Variants in MTHFD2L observed in about 807,000 individuals in gnomAD.
The protein encoded by MTHFD2L is bifunctional methylenetetrahydrofolate dehydrogenase/cyclohydrolase 2, mitochondrial.
Under a neutral mutation model 34.9 loss-of-function variants are expected in MTHFD2L, and 29 were observed. The ratio of observed to expected loss-of-function variants is 0.83; its 90% confidence interval spans 0.62 to 1.13. The LOEUF (loss-of-function observed/expected upper bound fraction) is 1.13, where lower values mean the gene tolerates loss of function less well. Among genes scored for constraint, MTHFD2L ranks in the 50% most tolerant of loss-of-function variants. MTHFD2L has a pLI of 0.00. For synonymous variants in MTHFD2L, 167 were observed against 155.7 expected (o/e 1.07, Z -0.54); for missense variants, 481 against 446.5 (o/e 1.08, Z -0.70).
At chr4:74,253,185 C>T (rs1433048361) in intron 6 of MTHFD2L, among the ~76,000 whole-genome samples, 1 of 152,082 alleles carries the variant, frequency 6.6e-6, no homozygotes, top group Non-Finnish European at 1.5e-5. Context: ...ATTTCCTTTA[C>T]AATGATTCTA....
At chr4:74,186,438 G>GA (rs59325238) in intron 3 of MTHFD2L, among the ~76,000 whole-genome samples, 3,317 of 88,180 alleles carry the variant, frequency 0.038, 341 homozygotes, top group African/African-American at 0.11. Context: ...GGGAATCCAT[G>GA]AAAAAAAAAA....
chr4:74,296,513 AT>A (rs1204009170), intron 7 of MTHFD2L, among the ~76,000 whole-genome samples: 1 of 152,084 alleles, frequency 6.6e-6, no homozygotes, highest in African/African-American at 2.4e-5. Context: ...AGCAACTCTT[AT>A]GTAAGCAGAA....
At chr4:74,244,517 T>C (rs550027130) in intron 6 of MTHFD2L, among the ~76,000 whole-genome samples, 4 of 152,260 alleles carry the variant, frequency 2.6e-5, no homozygotes, top group South Asian at 4.1e-4. Context: ...AATACTTATA[T>C]GTTTTTTTCT....
intron 3 of MTHFD2L, among the ~76,000 whole-genome samples, chr4:74,188,308 G>A (rs1211595235): frequency 1.3e-5 from 2 of 152,174 alleles, no homozygotes; most frequent in Non-Finnish European, 2.9e-5. Context: ...GCATGGTTGG[G>A]TTCTAGTGAG....
At chr4:74,125,200 T>G (rs1479464645), upstream of MTHFD2L, among the ~76,000 whole-genome samples, 1 of 152,160 alleles carries the variant, frequency 6.6e-6, no homozygotes, top group Non-Finnish European at 1.5e-5. Flanking sequence ...TCCAGGTACA[T>G]GTTGATTAAC....
Position 74,254,421 on chromosome 4 carries a change from A to G in MTHFD2L, c.806-27004A>G, listed in dbSNP as rs542261740. 2.0e-5 allele frequency among the ~76,000 whole-genome samples: 3 copies of G among 152,332 alleles called. No homozygotes were observed. The East Asian group carries it at 5.8e-4, about 29-fold the overall frequency. ...TCATCTTAAACAAGAGAACCCGCATAAGATTTCTCAGCAGTGGATTTCTCA... is the reference window on the plus strand; with the variant it reads ...TCATCTTAAACAAGAGAACCCGCATGAGATTTCTCAGCAGTGGATTTCTCA... On this transcript the variant is annotated intron_variant, in intron 6 of 7. Transcript: ENST00000325278.
intron 1 of MTHFD2L, chr4:74,161,462 A>T (rs1022586830): frequency 6.6e-6 from 1 of 152,240 alleles, no homozygotes; most frequent in African/African-American, 2.4e-5. Context: ...GAAATGAGAT[A>T]TAATAGCCAT....
At chr4:74,293,033 T>C (rs1749155720) in intron 7 of MTHFD2L, among the ~76,000 whole-genome samples, 1 of 152,060 alleles carries the variant, frequency 6.6e-6, no homozygotes, top group African/African-American at 2.4e-5. Context: ...TTGTTTTTTA[T>C]GGTTTTTTGA....
intron 3 of MTHFD2L, among the ~76,000 whole-genome samples, chr4:74,179,213 C>T (rs768961399): frequency 5.3e-5 from 8 of 152,162 alleles, no homozygotes; most frequent in Non-Finnish European, 7.4e-5. Flanking sequence ...CTTCTTGTTA[C>T]GTTTTACTGT....
At chr4:74,133,737 G>A (rs535733552) in intron 1 of MTHFD2L, among the ~76,000 whole-genome samples, 3 of 152,094 alleles carry the variant, frequency 2.0e-5, no homozygotes, top group South Asian at 4.2e-4. Flanking sequence ...TTATCTTGTA[G>A]GTCACTGAGT....
intron 1 of MTHFD2L, among the ~76,000 whole-genome samples, chr4:74,132,572 A>G (rs1229037665): frequency 1.3e-5 from 2 of 152,048 alleles, no homozygotes; most frequent in African/African-American, 4.8e-5. Flanking sequence ...GGAACATCAC[A>G]CACCAGGGCC....
chr4:74,234,971 GCAGAAT>G (rs1352104131), intron 6 of MTHFD2L, among the ~76,000 whole-genome samples: 25 of 152,102 alleles, frequency 1.6e-4, no homozygotes, highest in Admixed American at 5.9e-4. Context: ...AATTCACTAG[GCAGAAT>G]AAAAGGCAAT....
Position 74,174,649 on chromosome 4 carries a change from A to AT in MTHFD2L, c.288dup (p.Thr97TyrfsTer6). 3.8e-6 allele frequency: 6 copies of AT among 1,585,078 alleles called. No homozygotes were observed. Among genetic ancestry groups the AT allele is most frequent in the Non-Finnish European group, 5.1e-6 (6 of 1,167,812 alleles). Reference sequence around the variant, plus strand: ...TTAGTGGGAGATAACCCAGCAAGCCATACATATGTCAGGAATAAGATAAGA... The same window carrying AT: ...TTAGTGGGAGATAACCCAGCAAGCCATTACATATGTCAGGAATAAGATAAGA... On this transcript the variant is annotated frameshift_variant, in exon 2 of 8. Transcript: ENST00000325278. LOFTEE classifies it high-confidence loss of function.
chr4:74,186,641 A>G (rs1731332477), intron 3 of MTHFD2L, among the ~76,000 whole-genome samples: 1 of 152,034 alleles, frequency 6.6e-6, no homozygotes, highest in South Asian at 2.1e-4. Context: ...GAAAACCTAT[A>G]TATATTAAAA....
At chr4:74,230,709 G>T (rs1319647848) in intron 6 of MTHFD2L, among the ~76,000 whole-genome samples, 2 of 152,260 alleles carry the variant, frequency 1.3e-5, no homozygotes, top group East Asian at 3.9e-4. Flanking sequence ...GGGAGGAGCA[G>T]TTTAGGGAAA....
chr4:74,226,650 C>T (rs978605744), intron 6 of MTHFD2L, among the ~76,000 whole-genome samples: 72 of 152,186 alleles, frequency 4.7e-4, no homozygotes, highest in African/African-American at 1.6e-3. Flanking sequence ...TTTAATTAAA[C>T]GTGTACTTTT....
intron 4 of MTHFD2L, among the ~76,000 whole-genome samples, chr4:74,200,754 A>T (rs948214984): frequency 6.6e-6 from 1 of 152,198 alleles, no homozygotes; most frequent in Non-Finnish European, 1.5e-5. Context: ...GAAGAAACTG[A>T]GTCCAAAAGA....
At chr4:74,202,997 T>A (rs1734704648) in intron 5 of MTHFD2L, among the ~76,000 whole-genome samples, 1 of 152,314 alleles carries the variant, frequency 6.6e-6, no homozygotes, top group East Asian at 1.9e-4. Flanking sequence ...TTGATTGACA[T>A]GATACTTATG....
chr4:74,188,796 A>ACATATGTATATATATGGG (rs1731893550), intron 3 of MTHFD2L, among the ~76,000 whole-genome samples: 3 of 150,282 alleles, frequency 2.0e-5, no homozygotes, highest in Non-Finnish European at 4.4e-5. Flanking sequence ...ATATGGGTAT[A>ACATATGTATATATATGGG]TATATATGTG....
Sources: gnomAD v4.1 joint callset for allele counts (sites outside exome capture counted in the v4.1 genomes callset) on GRCh38, gnomAD v4.1.1 for gene constraint, MANE v1.5 for transcripts, NCBI Gene and HGNC (gene_info 2026-07-23, HGNC 2026-07-21) for gene names.